The following HECW1 variants were observed in gnomAD, a reference collection of about 807,000 sequenced individuals.
HECW1 encodes the protein HECT, C2 and WW domain containing E3 ubiquitin protein ligase 1.
Under a neutral mutation model 182.3 loss-of-function variants are expected in HECW1, and 61 were observed. The ratio of observed to expected loss-of-function variants is 0.33; its 90% CI spans 0.27 to 0.41. HECW1 has a LOEUF of 0.41. Ranked by LOEUF, HECW1 falls within the 10% of genes least tolerant of loss-of-function variation. HECW1 has a pLI of 1.00. For missense variants in HECW1, 1,739 were observed against 2,108.9 expected, an observed-to-expected ratio of 0.82 and a Z score of 3.44; for synonymous variants, 859 against 832.6, an observed-to-expected ratio of 1.03 and a Z score of -0.55.
chr7:43,126,765 T>G (rs1786288680), intron 2 of HECW1, among the ~76,000 whole-genome samples: 1 of 152,200 alleles, frequency 6.6e-6, no homozygotes, highest in Non-Finnish European at 1.5e-5. Context: ...TTATAATATT[T>G]TAAGCTTCTT....
At chr7:43,408,606 A>G (rs185012147) in intron 8 of HECW1, among the ~76,000 whole-genome samples, 1 of 152,082 alleles carries the variant, frequency 6.6e-6, no homozygotes, top group African/African-American at 2.4e-5. Context: ...GGACTTCTTG[A>G]GCCTGACAGG....
intron 13 of HECW1, among the ~76,000 whole-genome samples, chr7:43,463,152 G>A (rs1173368812): frequency 2.0e-5 from 3 of 152,196 alleles, no homozygotes; most frequent in Middle Eastern, 3.2e-3. Flanking sequence ...ATGAGCCTTT[G>A]AATAAGCAGA....
chr7:43,264,842 T>TAAAAAAA (rs36094358), intron 3 of HECW1, among the ~76,000 whole-genome samples: 1 of 129,186 alleles, frequency 7.7e-6, no homozygotes, highest in African/African-American at 3.0e-5. Context: ...AGACTCGGTT[T>TAAAAAAA]AAAAAAAAAA....
chr7:43,542,136 C>A, intron 26 of HECW1, 138 bp downstream of exon 26: 1 of 696,222 alleles, frequency 1.4e-6, no homozygotes, highest in Non-Finnish European at 2.1e-6. Flanking sequence ...GCCATCCAAT[C>A]TCCAGAACTT....
intron 2 of HECW1, among the ~76,000 whole-genome samples, chr7:43,233,021 C>T (rs1228252294): frequency 6.6e-6 from 1 of 152,152 alleles, no homozygotes; most frequent in Non-Finnish European, 1.5e-5. Context: ...CCCTCTGGCT[C>T]ATAGTTCTCA....
intron 8 of HECW1, among the ~76,000 whole-genome samples, chr7:43,412,924 G>A (rs1475564528): frequency 1.3e-5 from 2 of 148,382 alleles, no homozygotes; most frequent in African/African-American, 5.0e-5. Flanking sequence ...ACGTGTGCAT[G>A]TGTCTTTATA....
intron 12 of HECW1, among the ~76,000 whole-genome samples, chr7:43,452,369 T>C (rs2077262830): frequency 6.6e-6 from 1 of 152,204 alleles, no homozygotes; most frequent in African/African-American, 2.4e-5. Context: ...CATAAATCCG[T>C]TGTAAAATAA....
intron 6 of HECW1, among the ~76,000 whole-genome samples, chr7:43,371,971 C>A (rs1016921852): frequency 1.3e-5 from 2 of 152,118 alleles, no homozygotes; most frequent in African/African-American, 4.8e-5. Context: ...AGGTGCCCAC[C>A]ACCACGCCCC....
At chr7:43,265,191 T>C (rs2152736461) in intron 3 of HECW1, among the ~76,000 whole-genome samples, 1 of 152,296 alleles carries the variant, frequency 6.6e-6, no homozygotes, top group South Asian at 2.1e-4. Flanking sequence ...CTAGCCGCTC[T>C]TGGTCCTGGT....
At chr7:43,417,581 C>T (rs139338489) in intron 8 of HECW1, among the ~76,000 whole-genome samples, 188 of 152,044 alleles carry the variant, frequency 1.2e-3, no homozygotes, top group Middle Eastern at 3.4e-3. Flanking sequence ...AATATGGTTC[C>T]GCCCAGTGAG....
chr7:43,131,832 G>A (rs1378978214), intron 2 of HECW1, among the ~76,000 whole-genome samples: 1 of 152,188 alleles, frequency 6.6e-6, no homozygotes, highest in African/African-American at 2.4e-5. Flanking sequence ...GAAAGATGTT[G>A]TTTTCCTGAT....
intron 2 of HECW1, chr7:43,241,466 G>C (rs1017805810): frequency 6.6e-6 from 1 of 152,130 alleles, no homozygotes; most frequent in Non-Finnish European, 1.5e-5. Flanking sequence ...AAGCTTTGCA[G>C]TTAAACAATT....
At chr7:43,274,197 G>C (rs1191763506) in intron 3 of HECW1, 2 of 519,598 alleles carry the variant, frequency 3.8e-6, no homozygotes, top group Non-Finnish European at 6.8e-6. Flanking sequence ...ACAAGGTGGT[G>C]GTCTCTCTTT....
intron 2 of HECW1, among the ~76,000 whole-genome samples, chr7:43,163,426 C>A (rs1453608176): frequency 6.6e-6 from 1 of 152,164 alleles, no homozygotes; most frequent in African/African-American, 2.4e-5. Context: ...CTTGTTCTGT[C>A]CGGGGGGAGG....
At chr7:43,448,153 G>GA (rs1407700366) in intron 11 of HECW1, among the ~76,000 whole-genome samples, 5 of 150,420 alleles carry the variant, frequency 3.3e-5, no homozygotes, top group Admixed American at 6.6e-5. Flanking sequence ...AAGAGAGAGA[G>GA]AAAAAAAAAC....
intron 24 of HECW1, among the ~76,000 whole-genome samples, chr7:43,515,768 T>C (rs2080118116): frequency 6.6e-6 from 1 of 152,248 alleles, no homozygotes; most frequent in African/African-American, 2.4e-5. Flanking sequence ...TTCAACATTT[T>C]TAATATTTAC....
chr7:43,322,781 C>T (rs1319640163), intron 5 of HECW1, among the ~76,000 whole-genome samples: 1 of 152,126 alleles, frequency 6.6e-6, no homozygotes, highest in East Asian at 1.9e-4. Context: ...AATGTGTGCA[C>T]AAACCTACAA....
chr7:43,123,972 C>T (rs1458955953), intron 2 of HECW1, among the ~76,000 whole-genome samples: 1 of 152,136 alleles, frequency 6.6e-6, no homozygotes, highest in Non-Finnish European at 1.5e-5. Context: ...GAGATTATGG[C>T]AAGAGAGAGA....
At chr7:43,328,781 C>T (rs1324707167) in intron 5 of HECW1, among the ~76,000 whole-genome samples, 1 of 152,216 alleles carries the variant, frequency 6.6e-6, no homozygotes, top group Non-Finnish European at 1.5e-5. Flanking sequence ...CAGTCAGATA[C>T]ATGTCAGATC....
Sources: gnomAD v4.1 joint callset for allele counts (sites outside exome capture counted in the v4.1 genomes callset) on GRCh38, gnomAD v4.1.1 for gene constraint, MANE v1.5 for transcripts, NCBI Gene and HGNC (gene_info 2026-07-23, HGNC 2026-07-21) for gene names.